FGD4: variants seen among roughly 807,000 people sequenced by gnomAD.
FGD4 encodes FYVE, RhoGEF and PH domain-containing protein 4.
A neutral mutation model predicts 102.0 loss-of-function variants in FGD4; 42 were observed. The observed-to-expected ratio is 0.41, with a 90% confidence interval of 0.32 to 0.53. FGD4 has a LOEUF of 0.53. FGD4 is among the 20% of genes least tolerant of loss of function. The pLI, the probability that FGD4 is intolerant of heterozygous loss-of-function variation, is 0.21. For missense variants in FGD4, 902 were observed against 1,078.2 expected, an observed-to-expected ratio of 0.84 and a Z score of 2.29; for synonymous variants, 380 against 375.7, an observed-to-expected ratio of 1.01 and a Z score of -0.13.
At chr12:32,557,800 A>T (rs567513720) in intron 1 of FGD4, among the ~76,000 whole-genome samples, 6 of 152,156 alleles carry the variant, frequency 3.9e-5, no homozygotes, top group African/African-American at 1.2e-4. Flanking sequence ...TCTTTTTTTT[A>T]AAAAAGGCAA....
intron 1 of FGD4, among the ~76,000 whole-genome samples, chr12:32,435,039 G>A (rs755268811): frequency 1.6e-4 from 25 of 152,124 alleles, no homozygotes; most frequent in Non-Finnish European, 1.6e-4. Flanking sequence ...TGCCTCCCGG[G>A]TTCAAGTGAT....
chr12:32,610,989 A>G, intron 9 of FGD4, 148 bp from the exon 10 acceptor site: 2 of 1,255,098 alleles, frequency 1.6e-6, no homozygotes, highest in Admixed American at 2.1e-5. Flanking sequence ...TAATTCTCTG[A>G]ACTTGCTAAT....
intron 1 of FGD4, among the ~76,000 whole-genome samples, chr12:32,453,211 TATATATATAATATAG>T (rs1286278510): frequency 0.15 from 10,125 of 66,500 alleles, 604 homozygotes; most frequent in Middle Eastern, 0.41. Context: ...TATATATATA[TATATATATAATATAG>T]ATATATATAT....
chr12:32,485,844 T>C, intron 1 of FGD4: 1 of 1,208,676 alleles, frequency 8.3e-7, no homozygotes, highest in Non-Finnish European at 1.0e-6. Flanking sequence ...ACCCCCGGTA[T>C]TCTAGAGCTC....
intron 1 of FGD4, among the ~76,000 whole-genome samples, chr12:32,508,990 G>C (rs1939080450): frequency 6.6e-6 from 1 of 152,228 alleles, no homozygotes; most frequent in African/African-American, 2.4e-5. Context: ...AGCAAGTTAA[G>C]ATGCAACTAC....
In FGD4 at chr12:32,500,378, C is replaced by CTTATT. The variant is rs1359583089; in HGVS notation, c.167-63746_167-63742dup. ...CCCTTTGCCACATAGTCTTTCTGAC[C>CTTATT]TTATTTTATTTTATTTTTATTTTAT... On this transcript the variant is annotated intron_variant, in intron 1 of 16. Transcript: ENST00000534526. Among the ~76,000 whole-genome samples the CTTATT allele has an allele frequency of 2.8e-4, 41 of 148,658 alleles. 1 individual carries two copies. The highest frequency in any genetic ancestry group is 1.0e-3 in the African/African-American group (40 of 40,138).
intron 14 of FGD4, among the ~76,000 whole-genome samples, chr12:32,626,470 G>T (rs1010874923): frequency 1.3e-5 from 2 of 150,026 alleles, no homozygotes; most frequent in East Asian, 1.9e-4. Flanking sequence ...AAAAAAGGGG[G>T]TTGAGAAAGA....
intron 1 of FGD4, among the ~76,000 whole-genome samples, chr12:32,558,496 G>C (rs547529696): frequency 6.6e-6 from 1 of 152,190 alleles, no homozygotes; most frequent in East Asian, 1.9e-4. Context: ...GGTCAGGCTC[G>C]AAGAATCAGA....
intron 1 of FGD4, among the ~76,000 whole-genome samples, chr12:32,515,880 A>G (rs1939832168): frequency 6.6e-6 from 1 of 152,228 alleles, no homozygotes; most frequent in South Asian, 2.1e-4. Context: ...AAGATAGGAT[A>G]AATTGAAAAC....
chr12:32,496,429 C>T (rs1937822644), intron 1 of FGD4, among the ~76,000 whole-genome samples: 1 of 152,156 alleles, frequency 6.6e-6, no homozygotes, highest in South Asian at 2.1e-4. Flanking sequence ...ATCTTGTTAG[C>T]TCCTCTCCCC....
At chr12:32,616,768 A>G (rs552332319) in intron 10 of FGD4, among the ~76,000 whole-genome samples, 146 of 152,294 alleles carry the variant, frequency 9.6e-4, no homozygotes, top group African/African-American at 3.1e-3. Context: ...CCTCCATACC[A>G]TACTTTTTCA....
intron 1 of FGD4, among the ~76,000 whole-genome samples, chr12:32,474,143 C>G (rs1336218724): frequency 6.6e-6 from 1 of 151,638 alleles, no homozygotes; most frequent in African/African-American, 2.4e-5. Context: ...CCCTGACACA[C>G]TGCTGGTAGA....
intron 1 of FGD4, among the ~76,000 whole-genome samples, chr12:32,428,860 A>G (rs2651378): frequency 0.4 from 60,501 of 151,994 alleles, 12,686 homozygotes; most frequent in African/African-American, 0.52. Flanking sequence ...CTCATGCTGT[A>G]TTTTTCACCT....
chr12:32,410,962 A>C, intron 1 of FGD4, among the ~76,000 whole-genome samples: 1 of 130,310 alleles, frequency 7.7e-6, no homozygotes. Context: ...ATAGAGTCTC[A>C]CTCTGTCGCC....
At chr12:32,467,077 C>A (rs914993329) in intron 1 of FGD4, among the ~76,000 whole-genome samples, 1 of 151,742 alleles carries the variant, frequency 6.6e-6, no homozygotes, top group Admixed American at 6.6e-5. Context: ...CCTATTTGAA[C>A]CAAATAAAAA....
chr12:32,602,011 G>A lies in FGD4; in HGVS notation c.1248-150G>A, dbSNP rs1009180367. On this transcript the variant is annotated intron_variant, in intron 6 of 16. Coordinates refer to ENST00000534526, the MANE Select transcript of FGD4 (RefSeq NM_001370298.3). Reference sequence around the variant, plus strand: ...GTGCCTGTAGTCCCAGCTACTGAGAGTGCTGAAGCTGGAGGATTGATTGAA... The same window carrying A: ...GTGCCTGTAGTCCCAGCTACTGAGAATGCTGAAGCTGGAGGATTGATTGAA... 3 of 684,312 alleles carry A rather than the reference G, an allele frequency of 4.4e-6. No homozygotes were observed. The Admixed American group carries it at 7.6e-5, about 17-fold the overall frequency. The allele number at this position is 684,312 out of a possible 1,614,324, so 42.4% of individuals were successfully genotyped here.
chr12:32,428,264 A>G (rs566820679), intron 1 of FGD4, among the ~76,000 whole-genome samples: 42 of 152,286 alleles, frequency 2.8e-4, no homozygotes, highest in African/African-American at 9.9e-4. Context: ...CCTGGTGGTG[A>G]CAAAATCTCT....
chr12:32,512,444 C>T (rs1431686227), intron 1 of FGD4, among the ~76,000 whole-genome samples: 4 of 145,840 alleles, frequency 2.7e-5, no homozygotes, highest in Non-Finnish European at 5.9e-5. Flanking sequence ...AAGACTCTGT[C>T]TCAAAAAAAA....
In FGD4 at chr12:32,428,748, T is replaced by C. The variant is rs549934971; in HGVS notation, c.166+28789T>C. The stretch of plus-strand genomic sequence containing the variant: ...TTTTAATAGTCCCATATTTCTTTAA[T>C]CTTGTCTTGTGCTTTATTTCATTAA... On this transcript the variant is annotated intron_variant, in intron 1 of 16. Coordinates refer to ENST00000534526, the MANE Select transcript of FGD4 (RefSeq NM_001370298.3). Among the ~76,000 whole-genome samples, 27 of 151,074 alleles carry C rather than the reference T, an allele frequency of 1.8e-4. No homozygotes were observed. The South Asian group carries it at 2.3e-3, about 13-fold the overall frequency.
Sources: allele counts gnomAD v4.1 joint callset (sites outside exome capture counted in the v4.1 genomes callset), GRCh38; gene constraint gnomAD v4.1.1; transcripts MANE v1.5; gene names NCBI Gene and HGNC (gene_info 2026-07-23, HGNC 2026-07-21).